KCNQ5: variants seen among roughly 807,000 people sequenced by gnomAD.
The protein encoded by KCNQ5 is potassium voltage-gated channel subfamily Q member 5.
In KCNQ5, 30 loss-of-function variants were observed where a neutral mutation model predicts 98.2. That is an observed-to-expected ratio of 0.31 (90% CI 0.23 to 0.41). The LOEUF (loss-of-function observed/expected upper bound fraction) is 0.41. Ranked by LOEUF, KCNQ5 falls within the 10% of genes least tolerant of loss-of-function variation. KCNQ5 has a pLI of 1.00. For synonymous variants in KCNQ5, 458 were observed against 449.4 expected (o/e 1.02, Z -0.24); for missense variants, 835 against 1,182.5 (o/e 0.71, Z 4.31).
intron 10 of KCNQ5, chr6:73,134,120 G>A: frequency 2.6e-6 from 1 of 380,360 alleles, no homozygotes; most frequent in East Asian, 7.3e-5. Flanking sequence ...GCAAATCAGA[G>A]ACCACTGCTT....
chr6:72,878,099 C>T (rs571085426), intron 1 of KCNQ5, among the ~76,000 whole-genome samples: 25 of 152,166 alleles, frequency 1.6e-4, no homozygotes, highest in African/African-American at 3.4e-4. Context: ...GGTGAAACCC[C>T]GTCTCTACTA....
rs10943078 is a variant in KCNQ5, at chr6:73,197,023, A to T, written c.*1609A>T. On this transcript the variant is annotated 3_prime_UTR_variant, in exon 14 of 14. Transcript: ENST00000370398. ...AGGAAGTTGTTTCCTTGGCAGACAT[A>T]AATGCTGCCTCCAGAAGTACTTCTC... 42,662 of 151,852 alleles carry T rather than the reference A, an allele frequency of 0.28. 6,500 individuals are homozygous for T. The highest frequency in any genetic ancestry group is 0.39 in the African/African-American group (16,330 of 41,344). 9.4% of individuals were successfully genotyped at this position (151,852 alleles called of 1,614,324 possible).
At chr6:72,840,645 C>G (rs1000200818) in intron 1 of KCNQ5, among the ~76,000 whole-genome samples, 1 of 152,144 alleles carries the variant, frequency 6.6e-6, no homozygotes, top group African/African-American at 2.4e-5. Context: ...GTATTTTGAC[C>G]AGTTGTTATT....
chr6:72,885,951 A>G (rs1778828217), intron 1 of KCNQ5, among the ~76,000 whole-genome samples: 1 of 152,198 alleles, frequency 6.6e-6, no homozygotes, highest in South Asian at 2.1e-4. Flanking sequence ...ATGAGTGTCA[A>G]CTTGAGTTCA....
rs769581301 is a variant in KCNQ5, at chr6:72,705,596, T to TG, written c.398+83009_398+83010insG. On this transcript the variant is annotated intron_variant, in intron 1 of 13. Coordinates refer to ENST00000370398, the MANE Select transcript of KCNQ5 (RefSeq NM_019842.4). ...GTTTTTTGTTGTTGTTTTTGTTTTT[T>TG]TTTTTGTTGTTGTTGTTTTGCTAAA... is the stretch of plus-strand genomic sequence containing the variant. Among the ~76,000 whole-genome samples, 10 of 92,066 alleles carry TG rather than the reference T, an allele frequency of 1.1e-4. No individual in the cohort carries two copies. The South Asian group carries it at 1.5e-3, about 14-fold the overall frequency. The allele number at this position is 92,066 out of a possible 152,430, so 60.4% of individuals were successfully genotyped here.
chr6:72,834,756 ATGTG>A (rs1776430321), intron 1 of KCNQ5, among the ~76,000 whole-genome samples: 1 of 152,136 alleles, frequency 6.6e-6, no homozygotes, highest in Non-Finnish European at 1.5e-5. Flanking sequence ...CTTAACATGC[ATGTG>A]TAACTTCCAT....
intron 1 of KCNQ5, among the ~76,000 whole-genome samples, chr6:72,843,127 A>C (rs1380432824): frequency 6.6e-6 from 1 of 152,144 alleles, no homozygotes. Context: ...TCTTACATTT[A>C]AGTCTTTAAT....
intron 11 of KCNQ5, among the ~76,000 whole-genome samples, chr6:73,178,206 A>C (rs998852996): frequency 6.6e-6 from 1 of 151,894 alleles, no homozygotes; most frequent in Non-Finnish European, 1.5e-5. Flanking sequence ...AATGCTTACA[A>C]ATTCCTGGCA....
At chr6:72,660,358 A>G (rs1280608853) in intron 1 of KCNQ5, among the ~76,000 whole-genome samples, 2 of 152,346 alleles carry the variant, frequency 1.3e-5, no homozygotes, top group East Asian at 1.9e-4. Flanking sequence ...GAGCGCGGAC[A>G]TGAAAAAACT....
chr6:73,145,178 A>G (rs547337506), intron 10 of KCNQ5, among the ~76,000 whole-genome samples: 10 of 152,334 alleles, frequency 6.6e-5, no homozygotes, highest in African/African-American at 2.2e-4. Context: ...GGAAAATAGC[A>G]TTGTTAGCAC....
At chr6:72,721,820 G>C (rs889830111) in intron 1 of KCNQ5, among the ~76,000 whole-genome samples, 4 of 152,154 alleles carry the variant, frequency 2.6e-5, no homozygotes, top group South Asian at 2.1e-4. Context: ...CTATCAGGCT[G>C]TGTGAACCTT....
At chr6:72,700,227 G>A (rs1378064909) in intron 1 of KCNQ5, among the ~76,000 whole-genome samples, 1 of 152,108 alleles carries the variant, frequency 6.6e-6, no homozygotes, top group Non-Finnish European at 1.5e-5. Context: ...ATTCGGTTCT[G>A]TTTGGTTTTA....
In KCNQ5 at chr6:73,157,555, T is replaced by A. The variant is rs904854700; in HGVS notation, c.1469-12191T>A. On this transcript the variant is annotated intron_variant, in intron 10 of 13. Coordinates refer to ENST00000370398, the MANE Select transcript of KCNQ5 (RefSeq NM_019842.4). ...CGATACTTCCATCCTTGCTGGGTGG[T>A]GTCAGAGGAAGGGAACCAGCGCACC... The A allele has an allele frequency of 9.3e-6, 7 of 752,288 alleles. No homozygotes were observed. In the East Asian group the frequency reaches 1.0e-4, roughly 11 times the overall value. The allele number at this position is 752,288 out of a possible 1,614,324, so 46.6% of individuals were successfully genotyped here.
chr6:72,784,853 C>T (rs1040760369), intron 1 of KCNQ5, among the ~76,000 whole-genome samples: 10 of 152,150 alleles, frequency 6.6e-5, no homozygotes, highest in Admixed American at 5.2e-4. Context: ...CTATTCTAGC[C>T]TCCGTGGTAG....
chr6:73,190,493 A>T (rs1486651717), intron 11 of KCNQ5, 80 bp from the exon 12 acceptor site: 4 of 719,836 alleles, frequency 5.6e-6, no homozygotes, highest in African/African-American at 1.8e-5. Flanking sequence ...AGAGTTTCTT[A>T]TTATATTTAC....
intron 1 of KCNQ5, among the ~76,000 whole-genome samples, chr6:72,679,423 T>A (rs957949206): frequency 6.6e-6 from 1 of 152,038 alleles, no homozygotes; most frequent in African/African-American, 2.4e-5. Context: ...GTCCTTTGCA[T>A]GGACATGGAT....
rs549928260 is a variant in KCNQ5, at chr6:72,838,836, G to GCTA, written c.399-165069_399-165067dup. On this transcript the variant is annotated intron_variant, in intron 1 of 13. Coordinates refer to ENST00000370398, the MANE Select transcript of KCNQ5 (RefSeq NM_019842.4). Reference sequence around the variant, plus strand: ...GTGGTAGCGGGCGCCTGTAGTCCCAGCTACTCGGGAGGCTGAGGCAGGAGA... The same window carrying GCTA: ...GTGGTAGCGGGCGCCTGTAGTCCCAGCTACTACTCGGGAGGCTGAGGCAGGAGA... Among the ~76,000 whole-genome samples, 21 of 150,352 alleles carry GCTA rather than the reference G, an allele frequency of 1.4e-4. No individual in the cohort carries two copies. In the South Asian group the frequency reaches 3.4e-3, roughly 24 times the overall value.
intron 6 of KCNQ5, among the ~76,000 whole-genome samples, chr6:73,110,630 T>C (rs1242989043): frequency 1.3e-5 from 2 of 152,228 alleles, no homozygotes; most frequent in African/African-American, 2.4e-5. Flanking sequence ...TTCTTGTCTC[T>C]AGTGTACAAA....
At chr6:72,634,058 T>C (rs1582014128) in intron 1 of KCNQ5, among the ~76,000 whole-genome samples, 1 of 152,174 alleles carries the variant, frequency 6.6e-6, no homozygotes, top group Non-Finnish European at 1.5e-5. Context: ...ACTAAAGAGC[T>C]TAGGCTGCTA....
Sources: allele counts gnomAD v4.1 joint callset (sites outside exome capture counted in the v4.1 genomes callset), GRCh38; gene constraint gnomAD v4.1.1; transcripts MANE v1.5; gene names NCBI Gene and HGNC (gene_info 2026-07-23, HGNC 2026-07-21).